The following PATJ variants were observed in gnomAD, a reference collection of about 807,000 sequenced individuals.
PATJ encodes the protein PATJ crumbs cell polarity complex component.
PATJ carries 190 observed loss-of-function variants against 224.9 expected under a neutral mutation model. The observed-to-expected ratio is 0.84, with a 90% CI of 0.75 to 0.95. PATJ has a LOEUF of 0.95. Among genes scored for constraint, PATJ ranks in the 40% least tolerant of loss-of-function variants. PATJ has a pLI of 0.00. For synonymous variants in PATJ, 769 were observed against 820.3 expected, an observed-to-expected ratio of 0.94 and a Z score of 1.07; for missense variants, 2,121 against 2,270.3, an observed-to-expected ratio of 0.93 and a Z score of 1.34.
chr1:62,021,509 T>A (rs915727494), intron 29 of PATJ, among the ~76,000 whole-genome samples: 29 of 152,220 alleles, frequency 1.9e-4, no homozygotes, highest in Admixed American at 5.9e-4. Context: ...TTTTCACTCC[T>A]ACTAAGCAAC....
chr1:61,819,617 T>TG (rs908625156), intron 14 of PATJ, among the ~76,000 whole-genome samples: 22 of 140,304 alleles, frequency 1.6e-4, no homozygotes, highest in South Asian at 8.0e-4. Flanking sequence ...CAGGCGGCGG[T>TG]GGGGGGGCGC....
intron 41 of PATJ, among the ~76,000 whole-genome samples, chr1:62,140,997 C>G (rs934128154): frequency 6.6e-6 from 1 of 151,640 alleles, no homozygotes; most frequent in African/African-American, 2.4e-5. Flanking sequence ...GTGTGTTATG[C>G]CTCCCACCCC....
intron 35 of PATJ, 106 bp from the exon 36 acceptor site, chr1:62,116,410 AAAGAAAACAAAACTGG>A: frequency 8.1e-7 from 1 of 1,242,084 alleles, no homozygotes; most frequent in Non-Finnish European, 1.1e-6. Flanking sequence ...AAAGAAACAA[AAAGAAAACAAAACTGG>A]AAGAAGAAAG....
At chr1:62,041,363 G>A (rs61777663) in intron 30 of PATJ, among the ~76,000 whole-genome samples, 49,064 of 152,030 alleles carry the variant, frequency 0.32, 9,103 homozygotes, top group Middle Eastern at 0.48. Context: ...CCTTTTTAGA[G>A]TGGCATATTC....
intron 43 of PATJ, among the ~76,000 whole-genome samples, chr1:62,160,002 C>T (rs763893206): frequency 1.3e-5 from 2 of 152,030 alleles, no homozygotes; most frequent in South Asian, 2.1e-4. Flanking sequence ...CTGATTGAGT[C>T]GGTCGAGGGC....
At chr1:61,985,226 C>T (rs1221274653) in intron 27 of PATJ, among the ~76,000 whole-genome samples, 1 of 152,004 alleles carries the variant, frequency 6.6e-6, no homozygotes, top group African/African-American at 2.4e-5. Flanking sequence ...GCAGGGGAAT[C>T]GCTTGAACCC....
At chr1:62,031,238 C>T (rs1179939019) in intron 29 of PATJ, among the ~76,000 whole-genome samples, 3 of 152,104 alleles carry the variant, frequency 2.0e-5, no homozygotes, top group African/African-American at 7.2e-5. Context: ...AAACAGGAAA[C>T]GTAGCTAATC....
intron 28 of PATJ, among the ~76,000 whole-genome samples, chr1:61,993,513 G>C (rs1645182533): frequency 6.6e-6 from 1 of 152,104 alleles, no homozygotes; most frequent in African/African-American, 2.4e-5. Context: ...GCTGTGGTTT[G>C]GTCCTTCTGG....
chr1:62,103,367 AGTT>A (rs1457209180), intron 33 of PATJ, among the ~76,000 whole-genome samples: 1 of 152,156 alleles, frequency 6.6e-6, no homozygotes, highest in Non-Finnish European at 1.5e-5. Flanking sequence ...GAATTTGATG[AGTT>A]GTTATGAGGA....
At chr1:62,117,274 G>C (rs754258456) in intron 37 of PATJ, 56 bp downstream of exon 37, 1 of 1,609,582 alleles carries the variant, frequency 6.2e-7, no homozygotes, top group Non-Finnish European at 8.5e-7. Context: ...CTGGGAGAAA[G>C]TTCCCCATTT....
In PATJ at chr1:61,795,561, A is replaced by G; in HGVS notation, c.1260+3A>G. ...AAGTGAATGACAAAATAGTTGCTGT[A>G]AGTAACTCGCCTCTGTTTTAGGTTT... On this transcript the variant is annotated splice_donor_region_variant and intron_variant, in intron 10 of 43. Coordinates refer to ENST00000642238, the MANE Select transcript of PATJ (RefSeq NM_001350145.3). The G allele has an allele frequency of 6.3e-7, 1 of 1,577,044 alleles. No homozygotes were observed. The highest frequency in any genetic ancestry group is 8.7e-7 in the Non-Finnish European group (1 of 1,147,228).
At chr1:62,005,185 G>T (rs892778939) in intron 28 of PATJ, among the ~76,000 whole-genome samples, 2 of 151,472 alleles carry the variant, frequency 1.3e-5, no homozygotes, top group Non-Finnish European at 2.9e-5. Context: ...ACCCAGGTTG[G>T]AGAGCAGTGG....
intron 33 of PATJ, among the ~76,000 whole-genome samples, chr1:62,095,313 T>C (rs903501099): frequency 4.6e-5 from 7 of 152,206 alleles, no homozygotes; most frequent in Non-Finnish European, 8.8e-5. Context: ...TGAAATTAAG[T>C]AGTGCTTAAT....
chr1:62,160,305 C>T (rs183120655), intron 43 of PATJ, among the ~76,000 whole-genome samples: 1 of 151,884 alleles, frequency 6.6e-6, no homozygotes, highest in Non-Finnish European at 1.5e-5. Context: ...ATTTAGAAAC[C>T]TATTTAGATG....
In PATJ at chr1:61,769,266, TAACGCTCC is replaced by T; in HGVS notation, c.385-16_385-9del. 5.0e-6 allele frequency: 8 copies of T among 1,593,384 alleles called. No individual in the cohort carries two copies. The Admixed American group carries it at 5.5e-5, about 11-fold the overall frequency. Reference sequence around the variant, plus strand: ...AATGTACACCATTGACTTTTTTTTTTAACGCTCCTTCATTAGGGCCGGCAAATTGAATA... The same window carrying T: ...AATGTACACCATTGACTTTTTTTTTTTTCATTAGGGCCGGCAAATTGAATA... On this transcript the variant is annotated splice_polypyrimidine_tract_variant and intron_variant, in intron 4 of 43. Coordinates refer to ENST00000642238, the MANE Select transcript of PATJ (RefSeq NM_001350145.3).
intron 1 of PATJ, among the ~76,000 whole-genome samples, chr1:61,746,523 C>G (rs1352357741): frequency 6.6e-6 from 1 of 152,080 alleles, no homozygotes; most frequent in Non-Finnish European, 1.5e-5. Context: ...TTAAAGCACC[C>G]CAACAGTATA....
At chr1:61,944,616 T>C (rs889164885) in intron 27 of PATJ, among the ~76,000 whole-genome samples, 1 of 152,038 alleles carries the variant, frequency 6.6e-6, no homozygotes, top group Admixed American at 6.6e-5. Flanking sequence ...TACCTGAAAG[T>C]GACAGGGAGA....
chr1:62,071,117 T>C (rs1348921010), intron 31 of PATJ, among the ~76,000 whole-genome samples: 1 of 152,144 alleles, frequency 6.6e-6, no homozygotes, highest in East Asian at 1.9e-4. Flanking sequence ...TACTGTGAGA[T>C]ACAAAGGTAA....
intron 3 of PATJ, among the ~76,000 whole-genome samples, chr1:61,764,455 AAATT>A (rs964943522): frequency 5.9e-5 from 9 of 151,824 alleles, no homozygotes; most frequent in African/African-American, 2.2e-4. Context: ...ATTGAACCAG[AAATT>A]AATTGTTTTA....
Sources: gnomAD v4.1 joint callset for allele counts (sites outside exome capture counted in the v4.1 genomes callset) on GRCh38, gnomAD v4.1.1 for gene constraint, MANE v1.5 for transcripts, NCBI Gene and HGNC (gene_info 2026-07-23, HGNC 2026-07-21) for gene names.